Variants in DNAH1 observed in about 807,000 individuals in gnomAD.
The protein encoded by DNAH1 is axonemal beta dynein heavy chain 1.
Under a neutral mutation model 484.3 loss-of-function variants are expected in DNAH1, and 327 were observed. That is an observed-to-expected ratio of 0.68 (90% CI 0.62 to 0.74). DNAH1 has a LOEUF of 0.74. DNAH1 is among the 30% of genes least tolerant of loss of function. The probability of loss-of-function intolerance (pLI) is 0.00; values close to 1 mark genes in which losing one functional copy is unlikely to be tolerated. For synonymous variants in DNAH1, 2,192 were observed against 2,191.9 expected, an observed-to-expected ratio of 1.00 and a Z score of 0.00; for missense variants, 5,052 against 5,546.8, an observed-to-expected ratio of 0.91 and a Z score of 2.83.
chr3:52,360,215 C>T (rs1702797170), intron 27 of DNAH1, 96 bp from the exon 28 acceptor site: 2 of 1,484,942 alleles, frequency 1.3e-6, no homozygotes, highest in African/African-American at 1.4e-5. Flanking sequence ...TACCTTAATG[C>T]CCTCATTCCC....
rs777278356 is a variant in DNAH1, at chr3:52,344,612, T to G, written c.1409T>G (p.Leu470Arg). 2.5e-6 allele frequency: 4 copies of G among 1,613,724 alleles called. No individual in the cohort carries two copies. The highest frequency in any genetic ancestry group is 3.4e-6 in the Non-Finnish European group (4 of 1,179,816). Residue 470 changes from leucine (L) to arginine (R), a missense_variant, in exon 9 of 78, where the codon CTC (leucine) becomes CGC (arginine). By Grantham distance (102) the Leu-to-Arg change is moderately radical. Transcript: ENST00000420323. ...CCCGAGACCTTCTCCTACGTCACCC[T>G]CCCCAAGAAGGAGGAGGAGCAGGTG... ...SKPETFSYVT[L>R]PKKEEEQVPE...
chr3:52,344,590 G>A lies in DNAH1; in HGVS notation c.1387G>A (p.Glu463Lys), dbSNP rs200250561. The A allele has an allele frequency of 3.4e-5, 55 of 1,613,974 alleles. No homozygotes were observed. The highest frequency in any genetic ancestry group is 8.0e-5 in the African/African-American group (6 of 75,054). The change falls in exon 9 of 78, where the codon GAG becomes AAG. Residue 463 changes from glutamate (E) to lysine (K), a missense_variant. Glu to Lys is a moderately conservative substitution (Grantham distance 56). Transcript: ENST00000420323. Reference protein sequence around the residue: ...NFDHVVSSKPETFSYVTLPKK... With the variant: ...NFDHVVSSKPKTFSYVTLPKK... ...TGACCACGTTGTCTCTTCCAAGCCCGAGACCTTCTCCTACGTCACCCTCCC... is the reference window on the plus strand; with the variant it reads ...TGACCACGTTGTCTCTTCCAAGCCCAAGACCTTCTCCTACGTCACCCTCCC...
At position 52,399,652 on chromosome 3, in the gene DNAH1, G is replaced by C; in HGVS notation, c.12549G>C (p.Leu4183=). 6.2e-7 allele frequency: 1 copy of C among 1,614,010 alleles called. No homozygotes were observed. Among genetic ancestry groups the C allele is most frequent in the South Asian group, 1.1e-5 (1 of 91,088 alleles). Residue 4183 remains leucine (L), a synonymous_variant, in exon 77 of 78, where the codon CTG becomes CTC. Coordinates refer to ENST00000420323, the MANE Select transcript of DNAH1 (RefSeq NM_015512.5). ...GCTGGGATCCAGAGGCCTTCCAGCT[G>C]GCTGAGTCTCAGCCCAAGGAGCTGT... is the stretch of plus-strand genomic sequence containing the variant. ...GARWDPEAFQ[L]AESQPKELYT...
At chr3:52,338,266 G>A (rs941896015) in intron 8 of DNAH1, among the ~76,000 whole-genome samples, 2 of 152,016 alleles carry the variant, frequency 1.3e-5, no homozygotes, top group Admixed American at 6.6e-5. Context: ...CTACCACCAT[G>A]CCTGGCTATT....
intron 25 of DNAH1, 119 bp from the exon 26 acceptor site, chr3:52,359,127 G>T (rs1048810304): frequency 6.4e-6 from 9 of 1,406,844 alleles, no homozygotes; most frequent in Non-Finnish European, 7.6e-6. Flanking sequence ...GGGACTGGTG[G>T]CATCAACAAC....
chr3:52,385,207 G>T, intron 53 of DNAH1, 130 bp from the exon 54 acceptor site: 1 of 1,066,852 alleles, frequency 9.4e-7, no homozygotes, highest in Non-Finnish European at 1.4e-6. Flanking sequence ...TCTGGGGTCG[G>T]CTGGGCAATG....
At position 52,383,721 on chromosome 3, in the gene DNAH1, A is replaced by G. The variant is rs543395572; in HGVS notation, c.8150+127A>G. ...AGGAGACGCGGCCCTGGGCCTGGCC[A>G]TCATGCCATTGGGCCCAGGCTGCTG... On this transcript the variant is annotated intron_variant, in intron 51 of 77. Transcript: ENST00000420323. 2,099 of 1,401,748 alleles carry G rather than the reference A, an allele frequency of 1.5e-3. 8 individuals are homozygous for G. The highest frequency in any genetic ancestry group is 3.1e-3 in the Admixed American group (116 of 38,030). The allele number at this position is 1,401,748 out of a possible 1,614,324, so 86.8% of individuals were successfully genotyped here.
In DNAH1 at chr3:52,361,546, G is replaced by A. The variant is rs1172033956; in HGVS notation, c.4875-115G>A. 1.5e-6 allele frequency: 2 copies of A among 1,292,640 alleles called. No individual in the cohort carries two copies. The highest frequency in any genetic ancestry group is 2.1e-6 in the Non-Finnish European group (2 of 931,198). The allele number at this position is 1,292,640 out of a possible 1,614,324, so 80.1% of individuals were successfully genotyped here. A position where few individuals can be genotyped will look rare whatever the true frequency, so the allele number is the denominator to read the frequency against. ...GCAGTGGGTTGAAGACTGAGCTGAT[G>A]GAGATTGCCCCTGAGGGCTTCCTCC... On this transcript the variant is annotated intron_variant, in intron 29 of 77. Transcript: ENST00000420323. This position sits in a 1 kb window ranked among gnomAD's most constrained non-coding sequence, Gnocchi z 5.6.
At position 52,358,375 on chromosome 3, in the gene DNAH1, T is replaced by G. The variant is rs894078057; in HGVS notation, c.4087-183T>G. ...GCCTGGGCTGGGGCCTGACCACTGCTGGGGAGAAGGCAGGCCATCCAGCCT... is the reference window on the plus strand; with the variant it reads ...GCCTGGGCTGGGGCCTGACCACTGCGGGGGAGAAGGCAGGCCATCCAGCCT... On this transcript the variant is annotated intron_variant, in intron 24 of 77. Coordinates refer to ENST00000420323, the MANE Select transcript of DNAH1 (RefSeq NM_015512.5). This position sits in a 1 kb window ranked among gnomAD's most constrained non-coding sequence, Gnocchi z 4.2. Among the ~76,000 whole-genome samples the G allele has an allele frequency of 6.6e-6, 1 of 151,862 alleles. No individual in the cohort carries two copies. The highest frequency in any genetic ancestry group is 2.4e-5 in the African/African-American group (1 of 41,310).
rs144580984 is a variant in DNAH1 at position 52,375,397 on chromosome 3, C to G, written c.7143C>G (p.Ile2381Met). The change falls in exon 45 of 78, where the codon ATC becomes ATG. Residue 2381 changes from isoleucine to methionine, a missense_variant. By Grantham distance (10) the Ile-to-Met change is conservative. Around this residue, in one of 4 missense-constraint regions of DNAH1, gnomAD observed 2,929 missense variants for 3,409.4 expected, o/e 0.86. Transcript: ENST00000420323. ...GCAAGAAACGCATCTTCTCCACCAT[C>G]CTGGGCAACTGGTTGGGTGAGTATT... ...EVSKKRIFST[I>M]LGNWLDGLLG... The G allele has an allele frequency of 3.6e-3, 5,801 of 1,613,368 alleles. 29 individuals carry two copies. Among genetic ancestry groups the G allele is most frequent in the South Asian group, 0.015 (1,322 of 90,930 alleles).
rs992864675 is a variant in DNAH1, at chr3:52,390,902, C to T, written c.9622-33C>T. The T allele has an allele frequency of 5.8e-6, 9 of 1,551,072 alleles. No homozygotes were observed. In the African/African-American group the frequency reaches 1.2e-4, roughly 21 times the overall value. ...CTCAGTGACCCTGCTTGCAGGAAAGCTCTGACCCAGTCCAGTGCCTGGCTC... is the reference window on the plus strand; with the variant it reads ...CTCAGTGACCCTGCTTGCAGGAAAGTTCTGACCCAGTCCAGTGCCTGGCTC... On this transcript the variant is annotated intron_variant, in intron 60 of 77. Transcript: ENST00000420323.
chr3:52,366,977 G>T, intron 36 of DNAH1, 90 bp downstream of exon 36: 1 of 1,462,426 alleles, frequency 6.8e-7, no homozygotes, highest in South Asian at 1.3e-5. Context: ...CATTAGCCCA[G>T]TGGAAGGCCG....
rs898727719 is a variant in DNAH1, at chr3:52,382,558, G to C, written c.7941+103G>C. ...GCCAGTCCTTCATGCCCAGCTCACA[G>C]TCAGGGCAGATCTCAGAAGAGACCA... is the stretch of plus-strand genomic sequence containing the variant. On this transcript the variant is annotated intron_variant, in intron 50 of 77. Transcript: ENST00000420323. The C allele has an allele frequency of 1.8e-5, 27 of 1,527,858 alleles. 1 individual carries two copies. The highest frequency in any genetic ancestry group is 1.5e-4 in the Admixed American group (8 of 52,974). The allele number at this position is 1,527,858 out of a possible 1,614,324, so 94.6% of individuals were successfully genotyped here. A position where few individuals can be genotyped will look rare whatever the true frequency, so the allele number is the denominator to read the frequency against.
At chr3:52,314,644 G>C (rs1359205509), upstream of DNAH1, among the ~76,000 whole-genome samples, 1 of 152,216 alleles carries the variant, frequency 6.6e-6, no homozygotes, top group African/African-American at 2.4e-5. Flanking sequence ...CCCTCCAGTT[G>C]GGAGAAACAG....
Position 52,362,941 on chromosome 3 carries a change from G to T in DNAH1, c.5095-54G>T. Reference sequence around the variant, plus strand: ...GGGAGGAGGGCCGGATGAAGCTGGGGGTGCTCTGGGGGTGAGCTCTGTTTG... The same window carrying T: ...GGGAGGAGGGCCGGATGAAGCTGGGTGTGCTCTGGGGGTGAGCTCTGTTTG... On this transcript the variant is annotated intron_variant, in intron 31 of 77. Transcript: ENST00000420323. The surrounding 1 kb of genome is among the most constrained non-coding windows in gnomAD (Gnocchi z 5.1). 1 of 1,608,600 alleles carries T rather than the reference G, an allele frequency of 6.2e-7. No individual in the cohort carries two copies. The highest frequency in any genetic ancestry group is 8.5e-7 in the Non-Finnish European group (1 of 1,176,574).
intron 8 of DNAH1, among the ~76,000 whole-genome samples, chr3:52,339,122 T>A (rs1035558002): frequency 6.6e-6 from 1 of 152,202 alleles, no homozygotes; most frequent in Non-Finnish European, 1.5e-5. Context: ...CCATTATGTA[T>A]CTATATCTCT....
chr3:52,332,562 C>T (rs1701597205), intron 8 of DNAH1, among the ~76,000 whole-genome samples, 168 bp downstream of exon 8: 1 of 152,146 alleles, frequency 6.6e-6, no homozygotes, highest in South Asian at 2.1e-4. Context: ...ATTTTTTGTT[C>T]ATCTCCAGAT....
chr3:52,349,223 C>A lies in DNAH1; in HGVS notation c.2329C>A (p.Gln777Lys). The change falls in exon 14 of 78, where the codon CAG (glutamine) becomes AAG (lysine). Residue 777 changes from glutamine (Q) to lysine (K), a missense_variant. Physicochemically the swap from Gln to Lys is moderately conservative, Grantham distance 53. Around this residue, in one of 4 missense-constraint regions of DNAH1, gnomAD observed 1,263 missense variants for 1,218.8 expected, o/e 1.04. Coordinates refer to ENST00000420323, the MANE Select transcript of DNAH1 (RefSeq NM_015512.5). ...CTACCAGACGCAGGGCCTGTTGGCC[C>A]AGGAGGTGCGGGAGGTAGTGCTCAC... The part of the protein sequence containing the change: ...KTYQTQGLLA[Q>K]EVREVVLTHL... The A allele has an allele frequency of 6.2e-7, 1 of 1,613,830 alleles. No homozygotes were observed. The highest frequency in any genetic ancestry group is 8.5e-7 in the Non-Finnish European group (1 of 1,179,794).
chr3:52,367,578 CTTT>C (rs34594699), intron 36 of DNAH1, among the ~76,000 whole-genome samples: 1 of 145,178 alleles, frequency 6.9e-6, no homozygotes, highest in Admixed American at 6.9e-5. Context: ...TTCAATGATC[CTTT>C]TTTTTTTTTT....
Sources: allele counts gnomAD v4.1 joint callset (sites outside exome capture counted in the v4.1 genomes callset), GRCh38; gene constraint gnomAD v4.1.1; regional missense constraint gnomAD v4.1.1; non-coding constraint Gnocchi (gnomAD v3.1); transcripts MANE v1.5; gene names NCBI Gene and HGNC (gene_info 2026-07-23, HGNC 2026-07-21).